The following STK39 variants were observed in gnomAD, a reference collection of about 807,000 sequenced individuals.
STK39 encodes serine/threonine kinase 39.
A neutral mutation model predicts 77.8 loss-of-function variants in STK39; 20 were observed. The observed-to-expected ratio is 0.26, with a 90% CI of 0.18 to 0.37. STK39 has a LOEUF of 0.37. Among genes scored for constraint, STK39 ranks in the 10% least tolerant of loss-of-function variants. STK39 has a pLI of 1.00. For missense variants in STK39, 479 were observed against 656.5 expected, an observed-to-expected ratio of 0.73 and a Z score of 2.95; for synonymous variants, 246 against 234.1, an observed-to-expected ratio of 1.05 and a Z score of -0.47.
intron 17 of STK39, 78 bp from the exon 18 acceptor site, chr2:167,955,648 G>A: frequency 7.0e-7 from 1 of 1,434,522 alleles, no homozygotes; most frequent in Non-Finnish European, 9.6e-7. Context: ...TATGATGGCA[G>A]ATCTAAGCAA....
chr2:168,090,153 T>C (rs1686478557), intron 10 of STK39, among the ~76,000 whole-genome samples: 1 of 152,228 alleles, frequency 6.6e-6, no homozygotes. Flanking sequence ...ATTCCAAAGA[T>C]ATTGAGAAAA....
intron 1 of STK39, among the ~76,000 whole-genome samples, chr2:168,235,457 AATT>A (rs970916620): frequency 2.0e-5 from 3 of 149,966 alleles, no homozygotes; most frequent in East Asian, 1.9e-4. Context: ...TTTTTTTTTT[AATT>A]ATTATTATAC....
At chr2:168,154,908 A>G (rs4668033) in intron 5 of STK39, among the ~76,000 whole-genome samples, 61,917 of 152,006 alleles carry the variant, frequency 0.41, 14,379 homozygotes, top group East Asian at 0.67. Flanking sequence ...AAAGAAAAAT[A>G]AACGAAAAAA....
chr2:168,006,599 A>G (rs1208309514), intron 16 of STK39, among the ~76,000 whole-genome samples: 1 of 152,106 alleles, frequency 6.6e-6, no homozygotes, highest in Non-Finnish European at 1.5e-5. Flanking sequence ...GTCTCTTTCC[A>G]TTTGTCAGCC....
intron 1 of STK39, among the ~76,000 whole-genome samples, chr2:168,229,999 TAAC>T (rs923097462): frequency 9.8e-5 from 15 of 152,314 alleles, no homozygotes; most frequent in Admixed American, 9.1e-4. Context: ...AATGGCACTA[TAAC>T]AACGAGAGTG....
At chr2:168,201,049 C>T (rs1168416566) in intron 1 of STK39, among the ~76,000 whole-genome samples, 1 of 152,196 alleles carries the variant, frequency 6.6e-6, no homozygotes, top group African/African-American at 2.4e-5. Context: ...GCTTAGAACT[C>T]ATTAAATTCA....
chr2:168,055,575 G>T (rs575423276), intron 14 of STK39, among the ~76,000 whole-genome samples: 1 of 152,176 alleles, frequency 6.6e-6, no homozygotes, highest in Non-Finnish European at 1.5e-5. Context: ...TTCATGATGA[G>T]CAAATTGATG....
At chr2:168,234,759 TAAGTA>T (rs1690553669) in intron 1 of STK39, among the ~76,000 whole-genome samples, 1 of 152,146 alleles carries the variant, frequency 6.6e-6, no homozygotes, top group Admixed American at 6.5e-5. Flanking sequence ...GAAATAAATA[TAAGTA>T]AATAAAAATC....
rs140499469 is a variant in STK39, at chr2:168,015,152, G to A, written c.1429+1891C>T. ...TTAGTAATCTATTTTTCTTTAAGCT[G>A]TTTAACATCCCTGGTGCCTAAACAG... On this transcript the variant is annotated intron_variant, in intron 15 of 17. Transcript: ENST00000355999. 5.0e-3 allele frequency among the ~76,000 whole-genome samples: 765 copies of A among 152,288 alleles called. 4 individuals carry two copies. The highest frequency in any genetic ancestry group is 7.6e-3 in the Non-Finnish European group (517 of 68,028).
rs765291388 is a variant in STK39 at position 168,075,203 on chromosome 2, T to C, written c.1118A>G (p.His373Arg). The C allele has an allele frequency of 9.9e-6, 16 of 1,613,978 alleles. No individual in the cohort carries two copies. The highest frequency in any genetic ancestry group is 2.7e-5 in the African/African-American group (2 of 74,916). ...KVRRVPGSSG[H>R]LHKTEDGDWE... ...GTCCCCGTCTTCGGTTTTATGAAGG[T>C]GACCACTTGACCCAGGAACTCTTCT... The change falls in exon 11 of 18, where the codon CAC becomes CGC. Residue 373 changes from histidine (H) to arginine (R), a missense_variant. By Grantham distance (29) the His-to-Arg change is conservative. Transcript: ENST00000355999.
At chr2:168,093,687 CA>C (rs1329790794) in intron 10 of STK39, among the ~76,000 whole-genome samples, 1 of 152,182 alleles carries the variant, frequency 6.6e-6, no homozygotes, top group African/African-American at 2.4e-5. Context: ...CACAGTCTGC[CA>C]ACTACCAGTC....
chr2:168,131,595 G>A (rs1238164888), intron 8 of STK39, among the ~76,000 whole-genome samples: 1 of 152,188 alleles, frequency 6.6e-6, no homozygotes, highest in East Asian at 1.9e-4. Flanking sequence ...AATTTTCTGT[G>A]TAAATCATTA....
intron 2 of STK39, among the ~76,000 whole-genome samples, chr2:168,172,328 T>C (rs1466787063): frequency 6.6e-6 from 1 of 152,190 alleles, no homozygotes; most frequent in Non-Finnish European, 1.5e-5. Flanking sequence ...ACAGGACACA[T>C]CTGTTGGCCC....
chr2:168,231,962 G>GA, intron 1 of STK39: 1 of 238,184 alleles, frequency 4.2e-6, no homozygotes, highest in South Asian at 7.8e-5. Flanking sequence ...TCACAGAAGA[G>GA]ATCTGTCTTA....
chr2:168,162,967 C>T (rs1319191316), intron 4 of STK39, among the ~76,000 whole-genome samples: 1 of 150,908 alleles, frequency 6.6e-6, no homozygotes, highest in African/African-American at 2.4e-5. Flanking sequence ...GCAGAGGTTG[C>T]AGTGAGCTGA....
At chr2:168,001,557 C>T (rs1055660573) in intron 16 of STK39, among the ~76,000 whole-genome samples, 1 of 151,752 alleles carries the variant, frequency 6.6e-6, no homozygotes, top group African/African-American at 2.4e-5. Context: ...GATGCAGGAT[C>T]AAATTTAAGA....
intron 14 of STK39, among the ~76,000 whole-genome samples, chr2:168,045,463 T>A (rs1375307): frequency 0.49 from 75,061 of 151,884 alleles, 19,477 homozygotes; most frequent in Non-Finnish European, 0.56. Flanking sequence ...TTATTTGAAC[T>A]ATTCTCCACA....
chr2:168,139,532 T>C (rs1446129784), intron 7 of STK39, among the ~76,000 whole-genome samples: 1 of 152,082 alleles, frequency 6.6e-6, no homozygotes, highest in African/African-American at 2.4e-5. Context: ...CCAAACTTTC[T>C]ACAATATGAG....
intron 1 of STK39, among the ~76,000 whole-genome samples, chr2:168,182,860 C>T (rs12692878): frequency 0.32 from 48,319 of 151,954 alleles, 7,928 homozygotes; most frequent in East Asian, 0.46. Context: ...CTGCAAATAA[C>T]ACCAAAACTG....
Sources: gnomAD v4.1 joint callset for allele counts (sites outside exome capture counted in the v4.1 genomes callset) on GRCh38, gnomAD v4.1.1 for gene constraint, MANE v1.5 for transcripts, NCBI Gene and HGNC (gene_info 2026-07-23, HGNC 2026-07-21) for gene names.